The following AFF2 variants were observed in gnomAD, a reference collection of about 807,000 sequenced individuals.
AFF2 encodes AF4/FMR2 family member 2.
Under a neutral mutation model 76.9 loss-of-function variants are expected in AFF2, and 14 were observed. The observed-to-expected ratio is 0.18, with a 90% CI of 0.12 to 0.28. The LOEUF is 0.28. AFF2 is among the 10% of genes least tolerant of loss of function. The pLI, the probability that AFF2 is intolerant of heterozygous loss-of-function variation, is 1.00. For synonymous variants in AFF2, 398 were observed against 366.7 expected (o/e 1.09, Z -0.98); for missense variants, 868 against 1,001.1 (o/e 0.87, Z 1.79).
intron 1 of AFF2, among the ~76,000 whole-genome samples, chrX:148,508,710 G>C (rs1180484487): frequency 8.9e-6 from 1 of 111,915 alleles, no homozygotes; most frequent in Non-Finnish European, 1.9e-5. Context: ...TTCATGCCAG[G>C]TCGGCACAAC....
At chrX:148,762,607 A>G (rs1394897724) in intron 3 of AFF2, among the ~76,000 whole-genome samples, 8 of 109,155 alleles carry the variant, frequency 7.3e-5, no homozygotes, top group Admixed American at 6.0e-4. Context: ...TAGATCTGCC[A>G]TGCATATAAC....
rs140766737 is a variant in AFF2 at position 148,556,608 on chromosome X, G to T, written c.47+55464G>T. Among the ~76,000 whole-genome samples, 1,050 of 112,336 alleles carry T rather than the reference G, an allele frequency of 9.3e-3. 2 individuals carry two copies. Among genetic ancestry groups the T allele is most frequent in the Middle Eastern group, 0.023 (5 of 218 alleles). On this transcript the variant is annotated intron_variant, in intron 1 of 20. Coordinates refer to ENST00000370460, the MANE Select transcript of AFF2 (RefSeq NM_002025.4). ...TCTGTAGAATCTCAAAATAGGCAGA[G>T]ATTAATTTTGAAAAAAATGAAAATG...
chrX:148,671,272 A>G (rs1351342433), intron 3 of AFF2, among the ~76,000 whole-genome samples: 4 of 112,157 alleles, frequency 3.6e-5, no homozygotes, highest in African/African-American at 1.3e-4. Flanking sequence ...TTCTGTCATC[A>G]TTATTAATAA....
intron 16 of AFF2, among the ~76,000 whole-genome samples, chrX:148,974,462 C>T (rs986395703): frequency 7.0e-4 from 78 of 111,415 alleles, no homozygotes; most frequent in East Asian, 2.0e-3. Context: ...TCCCATCTGG[C>T]TTGATTAATC....
At chrX:148,584,178 G>GGTATC (rs1203248840) in intron 1 of AFF2, among the ~76,000 whole-genome samples, 1 of 110,756 alleles carries the variant, frequency 9.0e-6, no homozygotes, top group Middle Eastern at 4.2e-3. Context: ...CATTTAAAAA[G>GGTATC]GTATCCGGGA....
chrX:148,529,954 C>A (rs2052711050), intron 1 of AFF2, among the ~76,000 whole-genome samples: 1 of 111,808 alleles, frequency 8.9e-6, no homozygotes, highest in South Asian at 3.8e-4. Flanking sequence ...CCATTTGAAT[C>A]TTAGCTTAAC....
chrX:148,516,851 C>T (rs958246707), intron 1 of AFF2, among the ~76,000 whole-genome samples: 27 of 111,894 alleles, frequency 2.4e-4, no homozygotes, highest in African/African-American at 8.1e-4. Context: ...TGAAAAGCCA[C>T]TCTTCTGGCT....
At chrX:148,983,953 CA>C (rs56767828) in intron 19 of AFF2, among the ~76,000 whole-genome samples, 374 of 29,122 alleles carry the variant, frequency 0.013, 33 homozygotes, top group African/African-American at 0.041. Context: ...GTGAAATAGA[CA>C]AAAAAAAAAA....
chrX:148,528,489 G>T (rs1294695347), intron 1 of AFF2, among the ~76,000 whole-genome samples: 1 of 111,147 alleles, frequency 9.0e-6, no homozygotes, highest in Non-Finnish European at 1.9e-5. Flanking sequence ...GGCGTTCCTG[G>T]TGTTCAGCCT....
chrX:148,931,567 C>T (rs1489252472), intron 9 of AFF2, among the ~76,000 whole-genome samples: 1 of 112,299 alleles, frequency 8.9e-6, no homozygotes, highest in Non-Finnish European at 1.9e-5. Flanking sequence ...TCTATAATGA[C>T]TTACATTGTT....
At chrX:148,683,727 A>G (rs1269080394) in intron 3 of AFF2, among the ~76,000 whole-genome samples, 2 of 111,306 alleles carry the variant, frequency 1.8e-5, no homozygotes, top group Non-Finnish European at 3.8e-5. Flanking sequence ...ATCTGATTCA[A>G]CCTTTCTCTT....
chrX:148,722,399 C>T (rs184694162), intron 3 of AFF2, among the ~76,000 whole-genome samples: 1 of 110,409 alleles, frequency 9.1e-6, no homozygotes, highest in Non-Finnish European at 1.9e-5. Flanking sequence ...TTGTCTTATT[C>T]CCCCTCTTAA....
intron 3 of AFF2, among the ~76,000 whole-genome samples, chrX:148,694,157 TG>T (rs1352945920): frequency 2.2e-5 from 1 of 45,834 alleles, no homozygotes; most frequent in East Asian, 9.7e-4. Flanking sequence ...CATCACACTC[TG>T]GGGACTGTTG....
intron 4 of AFF2, among the ~76,000 whole-genome samples, chrX:148,811,727 C>G (rs2070205223): frequency 8.9e-6 from 1 of 111,942 alleles, no homozygotes; most frequent in Non-Finnish European, 1.9e-5. Flanking sequence ...GCCCTGGTGC[C>G]TAGGTGGTTA....
chrX:148,778,751 T>A (rs1450608324), intron 3 of AFF2, among the ~76,000 whole-genome samples: 1 of 111,640 alleles, frequency 9.0e-6, no homozygotes, highest in African/African-American at 3.3e-5. Flanking sequence ...TTCTTCTTTA[T>A]TAGTCTGGCT....
At chrX:148,711,645 T>C (rs1414583174) in intron 3 of AFF2, among the ~76,000 whole-genome samples, 2 of 112,292 alleles carry the variant, frequency 1.8e-5, no homozygotes, top group East Asian at 5.6e-4. Flanking sequence ...TTGGAAAGTA[T>C]ATTGGGGAAC....
At chrX:148,759,330 C>T (rs2069413622) in intron 3 of AFF2, among the ~76,000 whole-genome samples, 1 of 112,287 alleles carries the variant, frequency 8.9e-6, no homozygotes, top group South Asian at 3.7e-4. Context: ...AACCATTCTA[C>T]TTTCTCTTAG....
chrX:148,662,675 G>T lies in AFF2; in HGVS notation c.948G>T (p.Gly316=), dbSNP rs782587704. 9.1e-6 allele frequency: 11 copies of T among 1,212,014 alleles called. No homozygotes were observed. The highest frequency in any genetic ancestry group is 4.5e-6 in the Non-Finnish European group (4 of 895,549). ...KPSIEFENSF[G]NLSFGTLLDG... ...CAATTGAATTTGAGAACAGCTTTGG[G>T]AATCTGTCATTTGGAACACTCTTGG... The change falls in exon 3 of 21, where the codon GGG becomes GGT. Residue 316 remains glycine, a synonymous_variant. Coordinates refer to ENST00000370460, the MANE Select transcript of AFF2 (RefSeq NM_002025.4).
At chrX:148,950,590 T>TTCTTCTTGTTCTTCCTATACTAATTTCC (rs1557286507) in intron 9 of AFF2, among the ~76,000 whole-genome samples, 6 of 111,893 alleles carry the variant, frequency 5.4e-5, no homozygotes, top group Non-Finnish European at 9.4e-5. Context: ...GCTGATGTAC[T>TTCTTCTTGTTCTTCCTATACTAATTTCC]TCTTCTTGTT....
Sources: gnomAD v4.1 joint callset for allele counts (sites outside exome capture counted in the v4.1 genomes callset) on GRCh38, gnomAD v4.1.1 for gene constraint, MANE v1.5 for transcripts, NCBI Gene and HGNC (gene_info 2026-07-23, HGNC 2026-07-21) for gene names.